MRPL13: variants seen among roughly 807,000 people sequenced by gnomAD.
MRPL13 encodes large ribosomal subunit protein uL13m.
MRPL13 carries 33 observed loss-of-function variants against 29.0 expected under a neutral mutation model. The ratio of observed to expected loss-of-function variants is 1.14; its 90% CI spans 0.86 to 1.52. MRPL13 has a LOEUF of 1.52. MRPL13 is among the 40% of genes most tolerant of loss of function. The probability of loss-of-function intolerance (pLI) is 0.00; values close to 1 mark genes in which losing one functional copy is unlikely to be tolerated. For missense variants in MRPL13, 227 were observed against 216.7 expected, an observed-to-expected ratio of 1.05 and a Z score of -0.30; for synonymous variants, 77 against 68.4, an observed-to-expected ratio of 1.13 and a Z score of -0.62.
At position 120,409,367 on chromosome 8, in the gene MRPL13, T is replaced by C. The variant is rs574228326; in HGVS notation, c.515+4624A>G. Among the ~76,000 whole-genome samples, 6 of 152,320 alleles carry C rather than the reference T, an allele frequency of 3.9e-5. 1 individual carries two copies. The highest frequency in any genetic ancestry group is 1.2e-4 in the African/African-American group (5 of 41,576). On this transcript the variant is annotated intron_variant, in intron 6 of 6. Coordinates refer to ENST00000306185, the MANE Select transcript of MRPL13 (RefSeq NM_014078.6). Reference sequence around the variant, plus strand: ...AAAGTTTAAAATGATCCAAGTTTTATTTGTAGACTACATTTTGAAACATTT... The same window carrying C: ...AAAGTTTAAAATGATCCAAGTTTTACTTGTAGACTACATTTTGAAACATTT...
chr8:120,436,755 C>A (rs775363361), intron 2 of MRPL13, among the ~76,000 whole-genome samples: 3 of 152,136 alleles, frequency 2.0e-5, no homozygotes, highest in Non-Finnish European at 4.4e-5. Flanking sequence ...GACAGTACTG[C>A]TTTTATTTAT....
chr8:120,419,482 G>C (rs1356088528), intron 5 of MRPL13, among the ~76,000 whole-genome samples: 2 of 151,844 alleles, frequency 1.3e-5, no homozygotes, highest in African/African-American at 2.4e-5. Flanking sequence ...ATGATTCACA[G>C]AAGTTTTGCT....
In MRPL13 at chr8:120,424,490, G is replaced by C. The variant is rs138463586; in HGVS notation, c.306+816C>G. Among the ~76,000 whole-genome samples the C allele has an allele frequency of 4.7e-4, 71 of 152,186 alleles. 1 individual carries two copies. The highest frequency in any genetic ancestry group is 1.6e-3 in the African/African-American group (67 of 41,544). On this transcript the variant is annotated intron_variant, in intron 4 of 6. Coordinates refer to ENST00000306185, the MANE Select transcript of MRPL13 (RefSeq NM_014078.6). ...AAATTAAAAACAGAGTAAAGTCTGA[G>C]TGTGGTGGCTCTCGCCTGTAATCCC...
intron 2 of MRPL13, 45 bp from the exon 3 acceptor site, chr8:120,432,168 C>T (rs754262943): frequency 4.8e-5 from 70 of 1,463,918 alleles, no homozygotes; most frequent in Non-Finnish European, 6.3e-5. Flanking sequence ...AAATAAAAAC[C>T]TTAAGAAAAA....
At chr8:120,426,008 G>C (rs1459799210) in intron 3 of MRPL13, among the ~76,000 whole-genome samples, 3 of 152,050 alleles carry the variant, frequency 2.0e-5, no homozygotes, top group Non-Finnish European at 4.4e-5. Context: ...TCTAGGTTTT[G>C]TCAGTGACTC....
intron 1 of MRPL13, 90 bp downstream of exon 1, chr8:120,444,978 G>T: frequency 6.4e-7 from 1 of 1,574,284 alleles, no homozygotes; most frequent in Non-Finnish European, 8.7e-7. Flanking sequence ...CTTCCCTGCC[G>T]CCCCAGCTTC....
chr8:120,398,936 AACACAC>A (rs113704349), intron 6 of MRPL13, among the ~76,000 whole-genome samples: 5 of 149,312 alleles, frequency 3.3e-5, no homozygotes, highest in African/African-American at 1.2e-4. Context: ...CACACACACA[AACACAC>A]ACACACACAC....
intron 2 of MRPL13, among the ~76,000 whole-genome samples, chr8:120,435,586 T>C (rs569333059): frequency 1.3e-5 from 2 of 152,304 alleles, no homozygotes; most frequent in South Asian, 2.1e-4. Context: ...ATGTACCACA[T>C]TTTCTTTATC....
At chr8:120,410,844 C>T (rs566378040) in intron 6 of MRPL13, among the ~76,000 whole-genome samples, 40 of 151,370 alleles carry the variant, frequency 2.6e-4, no homozygotes, top group African/African-American at 9.0e-4. Context: ...TGCAATGGTG[C>T]GATCTCGGCA....
chr8:120,408,964 C>T (rs943503115), intron 6 of MRPL13, among the ~76,000 whole-genome samples: 1 of 152,138 alleles, frequency 6.6e-6, no homozygotes, highest in Non-Finnish European at 1.5e-5. Context: ...GAATGGATCA[C>T]ATATTGAACT....
intron 5 of MRPL13, among the ~76,000 whole-genome samples, chr8:120,416,860 A>G (rs1012404255): frequency 6.6e-6 from 1 of 152,240 alleles, no homozygotes; most frequent in East Asian, 1.9e-4. Context: ...TTTTATGTTC[A>G]GGAAAATTAA....
intron 6 of MRPL13, among the ~76,000 whole-genome samples, chr8:120,398,632 C>T (rs1041214496): frequency 4.6e-5 from 7 of 152,134 alleles, no homozygotes; most frequent in African/African-American, 1.4e-4. Context: ...AGCAAGGGCA[C>T]AGAACTGGGC....
chr8:120,419,835 A>T lies in MRPL13; in HGVS notation c.393+17T>A. On this transcript the variant is annotated intron_variant, in intron 5 of 6. Transcript: ENST00000306185. ...AAAATTTTGGAAAAGCATTGTTACC[A>T]ATGACCACTGACTTACCTCATCTGG... is the stretch of plus-strand genomic sequence containing the variant. 6.4e-7 allele frequency: 1 copy of T among 1,566,586 alleles called. No homozygotes were observed. The highest frequency in any genetic ancestry group is 8.6e-7 in the Non-Finnish European group (1 of 1,158,978).
intron 2 of MRPL13, among the ~76,000 whole-genome samples, chr8:120,438,808 G>A (rs1317070548): frequency 6.6e-6 from 1 of 152,080 alleles, no homozygotes; most frequent in African/African-American, 2.4e-5. Context: ...CCTGATTTTA[G>A]TTTACTCGAC....
intron 2 of MRPL13, among the ~76,000 whole-genome samples, chr8:120,438,553 A>G (rs187339309): frequency 6.6e-6 from 1 of 152,374 alleles, no homozygotes; most frequent in East Asian, 1.9e-4. Context: ...GATGGAAATT[A>G]GGTGACTGCT....
chr8:120,424,037 G>GA (rs913785772), intron 4 of MRPL13, among the ~76,000 whole-genome samples: 25 of 149,808 alleles, frequency 1.7e-4, no homozygotes, highest in Admixed American at 6.6e-4. Flanking sequence ...AGAAAGGAGA[G>GA]AAAAAAAAAT....
At chr8:120,401,805 C>T (rs183802433) in intron 6 of MRPL13, among the ~76,000 whole-genome samples, 85 of 152,298 alleles carry the variant, frequency 5.6e-4, no homozygotes, top group Non-Finnish European at 9.8e-4. Context: ...AGCAAAGTCT[C>T]AGGATACAAA....
At chr8:120,405,136 G>A (rs185420399) in intron 6 of MRPL13, among the ~76,000 whole-genome samples, 11 of 152,336 alleles carry the variant, frequency 7.2e-5, no homozygotes, top group East Asian at 1.9e-4. Flanking sequence ...TAGTGGCACA[G>A]CTGGAAACAT....
At position 120,427,850 on chromosome 8, in the gene MRPL13, C is replaced by T. The variant is rs558621393; in HGVS notation, c.246-2484G>A. 4.8e-4 allele frequency among the ~76,000 whole-genome samples: 73 copies of T among 151,854 alleles called. 1 individual carries two copies. Among genetic ancestry groups the T allele is most frequent in the African/African-American group, 1.5e-3 (61 of 41,452 alleles). On this transcript the variant is annotated intron_variant, in intron 3 of 6. Coordinates refer to ENST00000306185, the MANE Select transcript of MRPL13 (RefSeq NM_014078.6). ...AGCAATCAGAGATGACACAGACAAACGGAAAAACACTCCATGCTCATGGAT... is the reference window on the plus strand; with the variant it reads ...AGCAATCAGAGATGACACAGACAAATGGAAAAACACTCCATGCTCATGGAT...
Sources: allele counts gnomAD v4.1 joint callset (sites outside exome capture counted in the v4.1 genomes callset), GRCh38; gene constraint gnomAD v4.1.1; transcripts MANE v1.5; gene names NCBI Gene and HGNC (gene_info 2026-07-23, HGNC 2026-07-21).